Variants in CLDN14 observed in about 807,000 individuals in gnomAD.
The protein encoded by CLDN14 is claudin-14.
Under a neutral mutation model 2.1 loss-of-function variants are expected in CLDN14, and 2 were observed. The observed-to-expected ratio is 0.96, with a 90% CI of 0.39 to 3.01. The LOEUF (loss-of-function observed/expected upper bound fraction) is 3.01, where lower values mean the gene tolerates loss of function less well. Ranked by LOEUF, CLDN14 falls within the 30% of genes most tolerant of loss-of-function variation. The pLI is 0.09. For missense variants in CLDN14, 298 were observed against 328.0 expected, an observed-to-expected ratio of 0.91 and a Z score of 0.71; for synonymous variants, 136 against 154.4, an observed-to-expected ratio of 0.88 and a Z score of 0.88.
chr21:36,543,157 C>G (rs544382598), intron 1 of CLDN14, among the ~76,000 whole-genome samples: 1 of 152,202 alleles, frequency 6.6e-6, no homozygotes, highest in Non-Finnish European at 1.5e-5. Context: ...AGGGGCTGCC[C>G]TCTGGGGTAG....
At chr21:36,560,086 T>C (rs2087623539) in intron 1 of CLDN14, among the ~76,000 whole-genome samples, 1 of 152,240 alleles carries the variant, frequency 6.6e-6, no homozygotes, top group Admixed American at 6.5e-5. Context: ...AGTACAACTT[T>C]AGTTGATGGC....
intron 1 of CLDN14, among the ~76,000 whole-genome samples, chr21:36,560,179 C>T (rs1302264459): frequency 1.3e-5 from 2 of 150,224 alleles, no homozygotes; most frequent in East Asian, 1.9e-4. Flanking sequence ...TACTTATACA[C>T]ATTTTACGTT....
intron 2 of CLDN14, chr21:36,510,336 C>CT (rs930206253): frequency 6.6e-6 from 1 of 152,246 alleles, no homozygotes; most frequent in African/African-American, 2.4e-5. Flanking sequence ...TTGGAGTCCT[C>CT]TTTTGGGGGA....
intron 1 of CLDN14, among the ~76,000 whole-genome samples, chr21:36,575,940 G>A (rs1001306950): frequency 3.3e-5 from 5 of 152,090 alleles, no homozygotes; most frequent in African/African-American, 9.7e-5. Context: ...GAAGACCCTC[G>A]CACCATCCAG....
chr21:36,527,474 G>C (rs1046948650), intron 1 of CLDN14, among the ~76,000 whole-genome samples: 1 of 152,166 alleles, frequency 6.6e-6, no homozygotes, highest in Admixed American at 6.5e-5. Flanking sequence ...AGACTTTGTT[G>C]CTTTAATATT....
intron 1 of CLDN14, among the ~76,000 whole-genome samples, chr21:36,541,086 AG>A (rs2087484886): frequency 6.6e-6 from 1 of 152,192 alleles, no homozygotes; most frequent in African/African-American, 2.4e-5. Flanking sequence ...GATAACTTCC[AG>A]GTTTCTGGTT....
At chr21:36,480,196 A>G (rs903932096), upstream of CLDN14, 9 of 152,208 alleles carry the variant, frequency 5.9e-5, no homozygotes, top group African/African-American at 1.9e-4. Context: ...CTGATCAACG[A>G]GCAACTGCTT....
upstream of CLDN14, chr21:36,480,506 G>A (rs1038768556): frequency 1.3e-5 from 2 of 152,186 alleles, no homozygotes; most frequent in East Asian, 3.8e-4. Flanking sequence ...AACGCCTCCA[G>A]CCCTTTGAGG....
chr21:36,530,051 C>T (rs191144965), intron 1 of CLDN14, among the ~76,000 whole-genome samples: 1 of 152,296 alleles, frequency 6.6e-6, no homozygotes, highest in African/African-American at 2.4e-5. Flanking sequence ...CTTCACCCTT[C>T]CTTTCAGTTA....
intron 2 of CLDN14, among the ~76,000 whole-genome samples, chr21:36,494,297 C>T (rs2086995492): frequency 6.6e-6 from 1 of 152,128 alleles, no homozygotes; most frequent in Admixed American, 6.5e-5. Flanking sequence ...CTAATAAGGC[C>T]CATTTCAATC....
intron 2 of CLDN14, among the ~76,000 whole-genome samples, chr21:36,503,979 A>G (rs2087110249): frequency 6.7e-6 from 1 of 148,956 alleles, no homozygotes; most frequent in African/African-American, 2.5e-5. Flanking sequence ...ATGTAGTATC[A>G]CTGATAAAGA....
At position 36,470,608 on chromosome 21, in the gene CLDN14, G is replaced by A. The variant is rs138632716; in HGVS notation, c.-81-8832C>T. 3.4e-4 allele frequency among the ~76,000 whole-genome samples: 52 copies of A among 152,344 alleles called. 1 individual carries two copies. Among genetic ancestry groups the A allele is most frequent in the African/African-American group, 1.2e-3 (50 of 41,582 alleles). The stretch of plus-strand genomic sequence containing the variant: ...TCTGTTGTTTCAGGCCTCCCAGGTT[G>A]TGGTGCTTTGTCATGGCAGCCCCAG... On this transcript the variant is annotated intron_variant, in intron 1 of 1. Transcript: ENST00000399135.
chr21:36,462,228 C>T (rs528381330), intron 1 of CLDN14, among the ~76,000 whole-genome samples: 1 of 152,196 alleles, frequency 6.6e-6, no homozygotes, highest in Non-Finnish European at 1.5e-5. Flanking sequence ...AAGTAGGCAA[C>T]TTCCCCACCC....
upstream of CLDN14, among the ~76,000 whole-genome samples, chr21:36,484,892 A>G (rs1191705431): frequency 1.3e-5 from 2 of 151,022 alleles, no homozygotes; most frequent in Admixed American, 1.3e-4. Flanking sequence ...TTGTATTTTT[A>G]GTGGAGGCGG....
At position 36,498,043 on chromosome 21, in the gene CLDN14, A is replaced by G. The variant is rs1258847620; in HGVS notation, c.-82+12320T>C. ...GAGATGGAGTTTTGCTCTGTTGCCC[A>G]GGCTGGAGTGCAGTGGTGCAATCTT... is the stretch of plus-strand genomic sequence containing the variant. On this transcript the variant is annotated intron_variant, in intron 2 of 2. Coordinates refer to the CLDN14 transcript ENST00000342108. This position sits in a 1 kb window ranked among gnomAD's most constrained non-coding sequence, Gnocchi z 4.9. Among the ~76,000 whole-genome samples, 3 of 151,288 alleles carry G rather than the reference A, an allele frequency of 2.0e-5. No homozygotes were observed. Among genetic ancestry groups the G allele is most frequent in the African/African-American group, 7.3e-5 (3 of 41,094 alleles).
At chr21:36,563,051 T>C (rs2087647670) in intron 1 of CLDN14, among the ~76,000 whole-genome samples, 1 of 151,892 alleles carries the variant, frequency 6.6e-6, no homozygotes, top group Non-Finnish European at 1.5e-5. Context: ...AGGGGAGTCA[T>C]ATTTCATGAA....
At chr21:36,485,859 T>C in intron 2 of CLDN14, 1 of 543,042 alleles carries the variant, frequency 1.8e-6, no homozygotes, top group Non-Finnish European at 3.2e-6. Flanking sequence ...TTTCCTTTTT[T>C]TTTTTTTTAT....
intron 1 of CLDN14, among the ~76,000 whole-genome samples, chr21:36,478,883 T>G (rs929711938): frequency 6.6e-6 from 1 of 152,094 alleles, no homozygotes; most frequent in Non-Finnish European, 1.5e-5. Context: ...GGGCCCCAGG[T>G]AACTGAAGGA....
chr21:36,504,493 A>G (rs1353448643), intron 2 of CLDN14, among the ~76,000 whole-genome samples: 1 of 152,212 alleles, frequency 6.6e-6, no homozygotes, highest in African/African-American at 2.4e-5. Context: ...AGGATTTAAA[A>G]TTGAAATAAT....
Sources: gnomAD v4.1 joint callset for allele counts (sites outside exome capture counted in the v4.1 genomes callset) on GRCh38, gnomAD v4.1.1 for gene constraint, Gnocchi (gnomAD v3.1) non-coding constraint, MANE v1.5 for transcripts, NCBI Gene and HGNC (gene_info 2026-07-23, HGNC 2026-07-21) for gene names.